H2AZ2: variants seen among roughly 807,000 people sequenced by gnomAD.
The protein encoded by H2AZ2 is histone H2A.V.
A neutral mutation model predicts 15.5 loss-of-function variants in H2AZ2; 5 were observed. The ratio of observed to expected loss-of-function variants is 0.32; its 90% CI spans 0.17 to 0.68. The LOEUF is 0.68. Ranked by LOEUF, H2AZ2 falls within the 30% of genes least tolerant of loss-of-function variation. The pLI is 0.72. For synonymous variants in H2AZ2, 44 were observed against 57.4 expected, an observed-to-expected ratio of 0.77 and a Z score of 1.05; for missense variants, 42 against 162.5, an observed-to-expected ratio of 0.26 and a Z score of 4.03.
At chr7:44,838,995 A>G (rs1793200627) in intron 3 of H2AZ2, among the ~76,000 whole-genome samples, 2 of 152,064 alleles carry the variant, frequency 1.3e-5, no homozygotes, top group Admixed American at 1.3e-4. Context: ...TTAAAGGAGG[A>G]ATAGGGATGG....
intron 1 of H2AZ2, among the ~76,000 whole-genome samples, chr7:44,845,979 C>G (rs1793387805): frequency 6.6e-6 from 1 of 150,572 alleles, no homozygotes; most frequent in South Asian, 2.1e-4. Context: ...ATTCCAAGAA[C>G]TGACTTCGTA....
At chr7:44,837,408 G>A (rs1461466268) in intron 3 of H2AZ2, among the ~76,000 whole-genome samples, 6 of 101,970 alleles carry the variant, frequency 5.9e-5, no homozygotes, top group Non-Finnish European at 1.1e-4. Context: ...GGGCGACAGA[G>A]CAAGACTCTC....
chr7:44,844,248 T>C (rs1369337653), intron 1 of H2AZ2, among the ~76,000 whole-genome samples: 3 of 152,186 alleles, frequency 2.0e-5, no homozygotes, highest in African/African-American at 7.2e-5. Flanking sequence ...GATATACATA[T>C]AATGGAATAG....
chr7:44,838,636 G>T (rs976248586), intron 3 of H2AZ2, among the ~76,000 whole-genome samples: 1 of 152,118 alleles, frequency 6.6e-6, no homozygotes, highest in Non-Finnish European at 1.5e-5. Context: ...CTGGGAGACA[G>T]AGAGAGATCC....
At chr7:44,844,034 A>G (rs1793340126) in intron 1 of H2AZ2, among the ~76,000 whole-genome samples, 1 of 124,886 alleles carries the variant, frequency 8.0e-6, no homozygotes, top group African/African-American at 2.7e-5. Flanking sequence ...AAAATAAAGC[A>G]TGTTCCAAGA....
chr7:44,839,539 G>A (rs187423111), intron 3 of H2AZ2, among the ~76,000 whole-genome samples: 2,676 of 151,806 alleles, frequency 0.018, 61 homozygotes, highest in Non-Finnish European at 0.021. Flanking sequence ...AAAATTAGCC[G>A]GGCGTGGTGG....
rs1793046693 is a variant in H2AZ2 at position 44,833,617 on chromosome 7, T to C, written c.*884A>G. ...CCACCAGCCTCGGTCTCCCGAAGTG[T>C]TGGGATTACAGGCGTAAACCACAAT... On this transcript the variant is annotated 3_prime_UTR_variant, in exon 5 of 5. Transcript: ENST00000308153. The C allele has an allele frequency of 3.4e-6, 3 of 870,674 alleles. No homozygotes were observed. Among genetic ancestry groups the C allele is most frequent in the Non-Finnish European group, 4.1e-6 (3 of 725,400 alleles). The allele number at this position is 870,674 out of a possible 1,614,324, so 53.9% of individuals were successfully genotyped here.
At chr7:44,840,534 G>A (rs935453707) in intron 3 of H2AZ2, among the ~76,000 whole-genome samples, 1 of 152,196 alleles carries the variant, frequency 6.6e-6, no homozygotes, top group African/African-American at 2.4e-5. Context: ...ACTTTGGGAG[G>A]CTGAGGCAGG....
rs900092021 is a variant in H2AZ2 at position 44,834,277 on chromosome 7, C to T, written c.*224G>A. The T allele has an allele frequency of 1.6e-5, 20 of 1,263,692 alleles. No individual in the cohort carries two copies. The highest frequency in any genetic ancestry group is 1.9e-5 in the Non-Finnish European group (19 of 1,002,306). The allele number at this position is 1,263,692 out of a possible 1,614,324, so 78.3% of individuals were successfully genotyped here. ...CAATTCCATTTTTGTATAAAACACACGGGAGAAACCTAGCCAATCAACACA... is the reference window on the plus strand; with the variant it reads ...CAATTCCATTTTTGTATAAAACACATGGGAGAAACCTAGCCAATCAACACA... On this transcript the variant is annotated 3_prime_UTR_variant, in exon 5 of 5. Coordinates refer to ENST00000308153, the MANE Select transcript of H2AZ2 (RefSeq NM_012412.5).
chr7:44,831,146 G>A (rs1382899026), downstream of H2AZ2, among the ~76,000 whole-genome samples: 3 of 152,108 alleles, frequency 2.0e-5, no homozygotes, highest in Non-Finnish European at 2.9e-5. Context: ...CAGCCTGGGC[G>A]ACAGAGTAAT....
At chr7:44,847,871 C>A in intron 1 of H2AZ2, 98 bp downstream of exon 1, 1 of 1,504,310 alleles carries the variant, frequency 6.6e-7, no homozygotes, top group South Asian at 1.2e-5. Flanking sequence ...CCCAGACACC[C>A]GCAAACTCCC....
chr7:44,843,137 C>CAAAA lies in H2AZ2; in HGVS notation c.81+136_81+139dup, dbSNP rs55941046. 1.7e-3 allele frequency: 144 copies of CAAAA among 86,188 alleles called. 46 individuals carry two copies. Among genetic ancestry groups the CAAAA allele is most frequent in the Admixed American group, 3.5e-3 (14 of 3,948 alleles). 5.3% of individuals were successfully genotyped at this position (86,188 alleles called of 1,614,324 possible). A position where few individuals can be genotyped will look rare whatever the true frequency, so the allele number is the denominator to read the frequency against. ...CTGACGACAGAGTGAGACTCTGTCT[C>CAAAA]AAAAAAAAAAAAAAAAAAAAAAAAA... is the stretch of plus-strand genomic sequence containing the variant. On this transcript the variant is annotated intron_variant, in intron 2 of 4. Transcript: ENST00000308153.
downstream of H2AZ2, among the ~76,000 whole-genome samples, chr7:44,831,690 T>C (rs1583708836): frequency 6.6e-6 from 1 of 152,312 alleles, no homozygotes; most frequent in Admixed American, 6.5e-5. Flanking sequence ...ACAAGTTCTT[T>C]ATAGGATTCC....
At chr7:44,843,175 A>AAAG in intron 2 of H2AZ2, 102 bp downstream of exon 2, 1 of 281,208 alleles carries the variant, frequency 3.6e-6, no homozygotes, top group Non-Finnish European at 6.7e-6. Flanking sequence ...AAAAAAAAAA[A>AAAG]GTCTGTAGTA....
downstream of H2AZ2, chr7:44,830,240 A>G (rs1792981247): frequency 2.2e-6 from 3 of 1,356,486 alleles, no homozygotes; most frequent in Admixed American, 3.6e-5. Flanking sequence ...AGATGAGCTG[A>G]TAACTGGATA....
intron 1 of H2AZ2, among the ~76,000 whole-genome samples, chr7:44,845,834 C>G (rs1793384388): frequency 1.3e-5 from 2 of 152,240 alleles, no homozygotes; most frequent in South Asian, 4.2e-4. Context: ...TCAAACTTAT[C>G]TGAATATAAA....
In H2AZ2 at chr7:44,834,640, G is replaced by A. The variant is rs537954498; in HGVS notation, c.326-78C>T. On this transcript the variant is annotated intron_variant, in intron 4 of 4. Transcript: ENST00000308153. ...GTAAAAAGTTAATTATAGAAAAAAT[G>A]AAATTTACTTAAGTCCCTTTTCATA... is the stretch of plus-strand genomic sequence containing the variant. 1.2e-5 allele frequency: 16 copies of A among 1,314,280 alleles called. No individual in the cohort carries two copies. In the South Asian group the frequency reaches 2.1e-4, roughly 17 times the overall value. 81.4% of individuals were successfully genotyped at this position (1,314,280 alleles called of 1,614,324 possible).
chr7:44,840,153 C>T (rs1400421160), intron 3 of H2AZ2, among the ~76,000 whole-genome samples: 1 of 151,640 alleles, frequency 6.6e-6, no homozygotes, highest in Non-Finnish European at 1.5e-5. Flanking sequence ...TATGATCATG[C>T]CACTATACTC....
At chr7:44,847,785 C>T (rs1405373806) in intron 1 of H2AZ2, among the ~76,000 whole-genome samples, 184 bp downstream of exon 1, 1 of 152,194 alleles carries the variant, frequency 6.6e-6, no homozygotes, top group Non-Finnish European at 1.5e-5. Context: ...CAGCTCTCAC[C>T]CGGGGACCCG....
Sources: gnomAD v4.1 joint callset for allele counts (sites outside exome capture counted in the v4.1 genomes callset) on GRCh38, gnomAD v4.1.1 for gene constraint, MANE v1.5 for transcripts, NCBI Gene and HGNC (gene_info 2026-07-23, HGNC 2026-07-21) for gene names.